Variants in MARCHF1 observed in about 807,000 individuals in gnomAD.
MARCHF1 encodes membrane associated ring-CH-type finger 1.
A neutral mutation model predicts 54.2 loss-of-function variants in MARCHF1; 40 were observed. The observed-to-expected ratio is 0.74, with a 90% CI of 0.57 to 0.96. MARCHF1 has a LOEUF of 0.96. MARCHF1 is among the 40% of genes least tolerant of loss of function. The pLI, the probability that MARCHF1 is intolerant of heterozygous loss-of-function variation, is 0.00. For missense variants in MARCHF1, 586 were observed against 656.5 expected, an observed-to-expected ratio of 0.89 and a Z score of 1.17; for synonymous variants, 236 against 236.3, an observed-to-expected ratio of 1.00 and a Z score of 0.01.
At chr4:164,375,171 T>A (rs1013266518) in intron 1 of MARCHF1, among the ~76,000 whole-genome samples, 1 of 152,164 alleles carries the variant, frequency 6.6e-6, no homozygotes, top group African/African-American at 2.4e-5. Context: ...GAATGAATAA[T>A]TAAATGTGGC....
chr4:164,071,210 A>G (rs1226179814), intron 2 of MARCHF1, among the ~76,000 whole-genome samples: 2 of 152,220 alleles, frequency 1.3e-5, no homozygotes, highest in African/African-American at 2.4e-5. Context: ...TCTCCTTTTC[A>G]AAGTAAAACA....
chr4:163,673,263 G>A (rs2111137214), intron 5 of MARCHF1, among the ~76,000 whole-genome samples: 1 of 152,264 alleles, frequency 6.6e-6, no homozygotes, highest in South Asian at 2.1e-4. Flanking sequence ...ATATTAGCCT[G>A]TTAAACATTT....
intron 2 of MARCHF1, chr4:164,055,363 G>A (rs1754466850): frequency 6.6e-6 from 1 of 151,774 alleles, no homozygotes; most frequent in Admixed American, 6.6e-5. Context: ...AGGATTGCTT[G>A]AACCTAGATG....
chr4:163,809,856 TAGAA>T (rs1166617456), intron 4 of MARCHF1, among the ~76,000 whole-genome samples: 7 of 151,866 alleles, frequency 4.6e-5, no homozygotes, highest in Non-Finnish European at 8.8e-5. Flanking sequence ...AATGAAGAAA[TAGAA>T]AGAAGAAATA....
intron 7 of MARCHF1, among the ~76,000 whole-genome samples, chr4:163,603,941 C>G (rs1241227790): frequency 6.6e-6 from 1 of 151,948 alleles, no homozygotes; most frequent in East Asian, 1.9e-4. Context: ...ACTAAAAAGG[C>G]CTCTGAATTT....
chr4:164,255,390 TAAA>T (rs3060483), intron 1 of MARCHF1, among the ~76,000 whole-genome samples: 17 of 132,184 alleles, frequency 1.3e-4, no homozygotes, highest in Admixed American at 6.1e-4. Context: ...GCAAGAAAGA[TAAA>T]AAAAAAAAAA....
rs186498423 is a variant in MARCHF1, at chr4:163,609,690, T to A, written c.1010+2581A>T. Among the ~76,000 whole-genome samples, 442 of 151,262 alleles carry A rather than the reference T, an allele frequency of 2.9e-3. 1 individual carries two copies. The highest frequency in any genetic ancestry group is 9.2e-3 in the African/African-American group (379 of 41,326). On this transcript the variant is annotated intron_variant, in intron 7 of 9. Transcript: ENST00000514618. The stretch of plus-strand genomic sequence containing the variant: ...TATATACACACACATATATATATAT[T>A]TTTTTGCCCTGGAACCTTTTTTATT...
intron 9 of MARCHF1, among the ~76,000 whole-genome samples, chr4:163,536,742 C>T (rs538994788): frequency 6.7e-4 from 102 of 152,224 alleles, no homozygotes; most frequent in African/African-American, 2.3e-3. Context: ...CTATAATATA[C>T]CTGGGAATCT....
chr4:163,663,542 TG>T (rs1366584993), intron 5 of MARCHF1, among the ~76,000 whole-genome samples: 7 of 152,106 alleles, frequency 4.6e-5, no homozygotes, highest in Non-Finnish European at 1.0e-4. Flanking sequence ...TCTGCAACAT[TG>T]CTTGTCTCTA....
chr4:163,814,029 T>C (rs1748467006), intron 4 of MARCHF1, among the ~76,000 whole-genome samples: 1 of 152,164 alleles, frequency 6.6e-6, no homozygotes, highest in African/African-American at 2.4e-5. Flanking sequence ...GCCTCTGGAA[T>C]GTATCTAGGT....
At chr4:164,121,075 C>T (rs1203074130) in intron 1 of MARCHF1, among the ~76,000 whole-genome samples, 1 of 151,620 alleles carries the variant, frequency 6.6e-6, no homozygotes, top group Non-Finnish European at 1.5e-5. Flanking sequence ...ATTTACAAAC[C>T]TTTAGCCAGT....
intron 1 of MARCHF1, among the ~76,000 whole-genome samples, chr4:164,210,365 T>A (rs1731730794): frequency 6.6e-6 from 1 of 152,132 alleles, no homozygotes; most frequent in African/African-American, 2.4e-5. Flanking sequence ...AGATAATTAC[T>A]CAGTGTCTAG....
intron 1 of MARCHF1, among the ~76,000 whole-genome samples, chr4:164,186,696 GA>G (rs1475235599): frequency 6.6e-6 from 1 of 152,164 alleles, no homozygotes; most frequent in Non-Finnish European, 1.5e-5. Context: ...GGGCAATGTT[GA>G]GCTATTTAAG....
intron 1 of MARCHF1, among the ~76,000 whole-genome samples, chr4:164,176,968 CTCTCTCTCTCTCTATATATATATATA>C (rs1399490989): frequency 2.3e-5 from 1 of 43,344 alleles, no homozygotes; most frequent in African/African-American, 1.1e-4. Flanking sequence ...CTCTCTCTCT[CTCTCTCTCTCTCTATATATATATATA>C]TATATATATA....
intron 4 of MARCHF1, among the ~76,000 whole-genome samples, chr4:163,841,397 T>A (rs1266228389): frequency 6.6e-6 from 1 of 151,956 alleles, no homozygotes; most frequent in African/African-American, 2.4e-5. Flanking sequence ...TCTCTATACC[T>A]TTTGCTCAGT....
intron 5 of MARCHF1, among the ~76,000 whole-genome samples, chr4:163,635,547 G>A (rs914687991): frequency 7.7e-4 from 112 of 145,094 alleles, no homozygotes; most frequent in Admixed American, 2.4e-3. Context: ...AAACCAGGAA[G>A]AAGTTGAATC....
intron 3 of MARCHF1, among the ~76,000 whole-genome samples, chr4:163,909,172 CTTAAT>C (rs539313733): frequency 4.6e-5 from 7 of 152,184 alleles, no homozygotes; most frequent in Non-Finnish European, 5.9e-5. Context: ...CCTGGATTAA[CTTAAT>C]TTAATTTAAA....
chr4:163,560,378 A>T (rs73866791), intron 8 of MARCHF1, among the ~76,000 whole-genome samples: 15,041 of 152,128 alleles, frequency 0.099, 1,228 homozygotes, highest in African/African-American at 0.21. Context: ...ATGGCCCATC[A>T]ATTTACTTGT....
At chr4:164,362,224 A>G (rs1170813369) in intron 1 of MARCHF1, among the ~76,000 whole-genome samples, 1 of 152,188 alleles carries the variant, frequency 6.6e-6, no homozygotes, top group Admixed American at 6.6e-5. Flanking sequence ...GTGTGTGATT[A>G]TATCTAAGAC....
Sources: allele counts gnomAD v4.1 joint callset (sites outside exome capture counted in the v4.1 genomes callset), GRCh38; gene constraint gnomAD v4.1.1; transcripts MANE v1.5; gene names NCBI Gene and HGNC (gene_info 2026-07-23, HGNC 2026-07-21).